The following DSCAM variants were observed in gnomAD, a reference collection of about 807,000 sequenced individuals.
DSCAM encodes DS cell adhesion molecule.
Under a neutral mutation model 217.7 loss-of-function variants are expected in DSCAM, and 47 were observed. That is an observed-to-expected ratio of 0.22 (90% confidence interval 0.17 to 0.28). The LOEUF (loss-of-function observed/expected upper bound fraction) is 0.28. Among genes scored for constraint, DSCAM ranks in the 10% least tolerant of loss-of-function variants. DSCAM has a pLI of 1.00. For missense variants in DSCAM, 2,080 were observed against 2,618.3 expected (o/e 0.79, Z 4.49); for synonymous variants, 1,056 against 1,015.3 (o/e 1.04, Z -0.76).
intron 14 of DSCAM, 27 bp downstream of exon 14, chr21:40,187,104 G>C: frequency 1.9e-6 from 3 of 1,609,876 alleles, no homozygotes; most frequent in South Asian, 2.2e-5. Flanking sequence ...GAGGTGGAAG[G>C]GAAGCTGGAG....
At chr21:40,432,443 G>A (rs906443647) in intron 3 of DSCAM, among the ~76,000 whole-genome samples, 1 of 152,032 alleles carries the variant, frequency 6.6e-6, no homozygotes, top group African/African-American at 2.4e-5. Flanking sequence ...TCTGTCTTAT[G>A]AGGACCCTTG....
At chr21:40,484,608 T>C (rs1569142859) in intron 3 of DSCAM, among the ~76,000 whole-genome samples, 1 of 123,626 alleles carries the variant, frequency 8.1e-6, no homozygotes, top group African/African-American at 3.4e-5. Flanking sequence ...AAAGAAACTC[T>C]TGGATAATGT....
At chr21:40,828,915 C>T (rs1254664346) in intron 1 of DSCAM, among the ~76,000 whole-genome samples, 3 of 152,210 alleles carry the variant, frequency 2.0e-5, no homozygotes, top group African/African-American at 7.2e-5. Flanking sequence ...GCCTCGGCCT[C>T]CTGAAGTGCT....
chr21:40,538,174 A>G (rs1452176466), intron 3 of DSCAM, among the ~76,000 whole-genome samples: 1 of 151,910 alleles, frequency 6.6e-6, no homozygotes, highest in Non-Finnish European at 1.5e-5. Context: ...TCGGTCACTC[A>G]CTCCTGAGAG....
intron 15 of DSCAM, among the ~76,000 whole-genome samples, chr21:40,175,744 G>T (rs1423396318): frequency 6.7e-6 from 1 of 150,140 alleles, no homozygotes; most frequent in East Asian, 2.0e-4. Context: ...ATTTCACTGT[G>T]GGTTTAATCC....
At chr21:40,172,237 C>A (rs927455008) in intron 15 of DSCAM, among the ~76,000 whole-genome samples, 1 of 152,156 alleles carries the variant, frequency 6.6e-6, no homozygotes, top group African/African-American at 2.4e-5. Flanking sequence ...CCATTGCACT[C>A]CAGTCTGGGC....
At chr21:40,295,852 T>G (rs556387372) in intron 10 of DSCAM, among the ~76,000 whole-genome samples, 2 of 152,352 alleles carry the variant, frequency 1.3e-5, no homozygotes, top group Admixed American at 6.5e-5. Flanking sequence ...GGGCATGTTA[T>G]GTACAACAGA....
intron 11 of DSCAM, among the ~76,000 whole-genome samples, chr21:40,224,400 G>T (rs1224509083): frequency 6.6e-6 from 1 of 152,200 alleles, no homozygotes; most frequent in Non-Finnish European, 1.5e-5. Flanking sequence ...GAGAAGAAAT[G>T]AAAGAAAGAT....
At chr21:40,567,434 A>G (rs2076773170) in intron 3 of DSCAM, among the ~76,000 whole-genome samples, 1 of 152,214 alleles carries the variant, frequency 6.6e-6, no homozygotes, top group Non-Finnish European at 1.5e-5. Context: ...CACACCAAAT[A>G]ATAACAATTT....
At chr21:40,789,385 C>A (rs1243169505) in intron 1 of DSCAM, among the ~76,000 whole-genome samples, 1 of 151,996 alleles carries the variant, frequency 6.6e-6, no homozygotes, top group Non-Finnish European at 1.5e-5. Flanking sequence ...AGGCTTAACA[C>A]CTGCTCTAGA....
intron 10 of DSCAM, among the ~76,000 whole-genome samples, chr21:40,295,201 G>A (rs765954982): frequency 9.2e-5 from 14 of 152,008 alleles, no homozygotes; most frequent in Non-Finnish European, 1.5e-4. Flanking sequence ...AAAAGGTCAT[G>A]ATTGACTGAT....
intron 3 of DSCAM, among the ~76,000 whole-genome samples, chr21:40,444,659 A>C (rs1443237462): frequency 6.6e-6 from 1 of 152,228 alleles, no homozygotes; most frequent in Admixed American, 6.5e-5. Context: ...ATAAGAACTG[A>C]TACAATTATC....
At position 40,563,549 on chromosome 21, in the gene DSCAM, ATATATGTTTATATGTTTATATATAGT is replaced by A. The variant is rs1051728915; in HGVS notation, c.508+129235_508+129260del. ...TCTATTTGTTTATAGTTATATGTTT[ATATATGTTTATATGTTTATATATAGT>A]TATATGTTTATATGTTTATATGTTA... is the stretch of plus-strand genomic sequence containing the variant. On this transcript the variant is annotated intron_variant, in intron 3 of 32. Coordinates refer to ENST00000400454, the MANE Select transcript of DSCAM (RefSeq NM_001389.5). Among the ~76,000 whole-genome samples, 60 of 132,214 alleles carry A rather than the reference ATATATGTTTATATGTTTATATATAGT, an allele frequency of 4.5e-4. 1 individual carries two copies. The highest frequency in any genetic ancestry group is 7.4e-4 in the Admixed American group (9 of 12,120). 86.7% of individuals were successfully genotyped at this position (132,214 alleles called of 152,430 possible). A position where few individuals can be genotyped will look rare whatever the true frequency, so the allele number is the denominator to read the frequency against.
chr21:40,434,126 C>T lies in DSCAM; in HGVS notation c.509-64881G>A, dbSNP rs140050828. ...CCACAACTTTCCTTACCAGCCTTGT[C>T]ATCACCATTTTCCTTTTAATCATGT... On this transcript the variant is annotated intron_variant, in intron 3 of 32. Transcript: ENST00000400454. 3.2e-3 allele frequency among the ~76,000 whole-genome samples: 494 copies of T among 152,316 alleles called. 1 individual carries two copies. Among genetic ancestry groups the T allele is most frequent in the Non-Finnish European group, 5.5e-3 (377 of 68,026 alleles).
intron 1 of DSCAM, among the ~76,000 whole-genome samples, chr21:40,714,853 T>G (rs1183040127): frequency 2.6e-5 from 4 of 152,208 alleles, no homozygotes; most frequent in Non-Finnish European, 4.4e-5. Flanking sequence ...AAAACTCACG[T>G]TGAAATTTAA....
intron 3 of DSCAM, among the ~76,000 whole-genome samples, chr21:40,458,246 T>G (rs1569132088): frequency 6.6e-6 from 1 of 152,192 alleles, no homozygotes; most frequent in Non-Finnish European, 1.5e-5. Flanking sequence ...ATGCCAATCT[T>G]GAAGACATGC....
intron 9 of DSCAM, among the ~76,000 whole-genome samples, 164 bp downstream of exon 9, chr21:40,311,917 T>C (rs919638689): frequency 6.8e-6 from 1 of 148,146 alleles, no homozygotes; most frequent in Admixed American, 6.8e-5. Flanking sequence ...GAATTCATGG[T>C]TGGGTTTAGA....
At chr21:40,487,324 TGTGA>T (rs1555844563) in intron 3 of DSCAM, among the ~76,000 whole-genome samples, 864 of 76,066 alleles carry the variant, frequency 0.011, 5 homozygotes, top group Non-Finnish European at 0.015. Context: ...TGTGTGTGTG[TGTGA>T]GAGAGAGAGA....
intron 1 of DSCAM, among the ~76,000 whole-genome samples, chr21:40,713,931 T>C (rs764180212): frequency 9.8e-5 from 15 of 152,294 alleles, no homozygotes; most frequent in Middle Eastern, 6.8e-3. Context: ...ATCCGCTGCA[T>C]TGTGACAAAG....
Sources: gnomAD v4.1 joint callset for allele counts (sites outside exome capture counted in the v4.1 genomes callset) on GRCh38, gnomAD v4.1.1 for gene constraint, MANE v1.5 for transcripts, NCBI Gene and HGNC (gene_info 2026-07-23, HGNC 2026-07-21) for gene names.